The following RGPD6 variants were observed in gnomAD, a reference collection of about 807,000 sequenced individuals.
RGPD6 encodes RANBP2 like and GRIP domain containing 6.
At chr2:110,596,399 CTTTGTACAGACCA>C in the RGPD6 span, among the ~76,000 whole-genome samples, 2 of 104,766 alleles carry the variant, frequency 1.9e-5, no homozygotes, top group African/African-American at 3.9e-5. Flanking sequence ...GATGGTCTGA[CTTTGTACAGACCA>C]TTTGTACACC....
At chr2:110,606,146 T>C in the RGPD6 span, among the ~76,000 whole-genome samples, 1 of 151,428 alleles carries the variant, frequency 6.6e-6, no homozygotes, top group Non-Finnish European at 1.5e-5. Flanking sequence ...GTATCACACA[T>C]AGTAATAAGC....
chr2:110,610,767 T>C, the RGPD6 span: 11 of 1,126,012 alleles, frequency 9.8e-6, no homozygotes, highest in Admixed American at 3.1e-4. Flanking sequence ...AAGCTGTCCA[T>C]GGTGGGAGGT....
At chr2:110,600,670 A>G in the RGPD6 span, among the ~76,000 whole-genome samples, 3 of 37,676 alleles carry the variant, frequency 8.0e-5, no homozygotes, top group Non-Finnish European at 2.0e-4. Context: ...ACAGTTACAG[A>G]TCATCAGGCA....
the RGPD6 span, among the ~76,000 whole-genome samples, chr2:110,605,685 G>A: frequency 6.6e-6 from 1 of 151,426 alleles, no homozygotes; most frequent in East Asian, 1.9e-4. Context: ...TTGAAGACAA[G>A]CAAAAGCATC....
chr2:110,576,901 T>TCCCCCCTC (rs1688403770), intron 1 of RGPD6, 52 bp downstream of exon 1: 1 of 16,342 alleles, frequency 6.1e-5, no homozygotes, highest in African/African-American at 3.5e-4. Flanking sequence ...GCCCCCCCCC[T>TCCCCCCTC]CCCCCCCCGG....
At chr2:110,605,795 CTT>C in the RGPD6 span, among the ~76,000 whole-genome samples, 1 of 151,290 alleles carries the variant, frequency 6.6e-6, no homozygotes, top group East Asian at 1.9e-4. Context: ...AAGATCCACA[CTT>C]TATTCCCTCC....
chr2:110,591,501 C>T, the RGPD6 span, among the ~76,000 whole-genome samples: 1 of 149,350 alleles, frequency 6.7e-6, no homozygotes, highest in Non-Finnish European at 1.5e-5. Context: ...AATATACTCA[C>T]AGCTCTTTTT....
chr2:110,602,286 G>A, the RGPD6 span, among the ~76,000 whole-genome samples: 1 of 137,546 alleles, frequency 7.3e-6, no homozygotes, highest in African/African-American at 2.7e-5. Flanking sequence ...GTCTTCAGTT[G>A]TGATTTCTCG....
the RGPD6 span, among the ~76,000 whole-genome samples, chr2:110,601,402 G>C: frequency 6.7e-6 from 1 of 149,682 alleles, no homozygotes; most frequent in Non-Finnish European, 1.5e-5. Flanking sequence ...CTCTGAGTCT[G>C]ACAGTCTTTT....
At chr2:110,593,149 C>T in the RGPD6 span, among the ~76,000 whole-genome samples, 8 of 148,220 alleles carry the variant, frequency 5.4e-5, no homozygotes, top group Admixed American at 4.7e-4. Flanking sequence ...AAATCTCTTA[C>T]AACAGCCCTT....
At chr2:110,606,849 C>A in the RGPD6 span, among the ~76,000 whole-genome samples, 6 of 151,758 alleles carry the variant, frequency 4.0e-5, no homozygotes, top group African/African-American at 9.7e-5. Flanking sequence ...CCATCCTCCA[C>A]CCAAGTCCCA....
the RGPD6 span, among the ~76,000 whole-genome samples, chr2:110,594,084 T>C: frequency 6.9e-6 from 1 of 144,020 alleles, no homozygotes; most frequent in African/African-American, 2.8e-5. Flanking sequence ...CAAGGTTGGT[T>C]CAACATATAA....
At chr2:110,604,223 G>C in the RGPD6 span, among the ~76,000 whole-genome samples, 1 of 134,548 alleles carries the variant, frequency 7.4e-6, no homozygotes, top group East Asian at 2.1e-4. Context: ...GGGACAGAAC[G>C]CTGCACCGCA....
At chr2:110,598,552 C>G in the RGPD6 span, among the ~76,000 whole-genome samples, 1 of 100,590 alleles carries the variant, frequency 9.9e-6, no homozygotes, top group African/African-American at 3.3e-5. Context: ...ATCACACAAG[C>G]TAGATAGCCT....
chr2:110,603,946 C>T, the RGPD6 span, among the ~76,000 whole-genome samples: 1 of 150,604 alleles, frequency 6.6e-6, no homozygotes, highest in African/African-American at 2.5e-5. Flanking sequence ...GACATAAACA[C>T]TGTGTATTTT....
the RGPD6 span, among the ~76,000 whole-genome samples, chr2:110,599,827 A>G: frequency 6.7e-5 from 7 of 104,266 alleles, no homozygotes; most frequent in Admixed American, 6.8e-4. Context: ...TTCAGACTCC[A>G]AAGAATTTTC....
the RGPD6 span, among the ~76,000 whole-genome samples, chr2:110,607,002 C>A: frequency 6.6e-6 from 1 of 151,664 alleles, no homozygotes; most frequent in African/African-American, 2.4e-5. Context: ...GAAACCAGCA[C>A]AAGGTCTTCT....
At chr2:110,608,505 G>A in the RGPD6 span, among the ~76,000 whole-genome samples, 390 of 140,456 alleles carry the variant, frequency 2.8e-3, 2 homozygotes, top group Non-Finnish European at 3.5e-3. Flanking sequence ...AAAAATTTAC[G>A]TAAACCATAA....
At chr2:110,609,628 T>C in the RGPD6 span, among the ~76,000 whole-genome samples, 1 of 140,354 alleles carries the variant, frequency 7.1e-6, no homozygotes, top group Non-Finnish European at 1.5e-5. Flanking sequence ...TTTACTGAAT[T>C]AAAGCAAAAG....
Sources: allele counts gnomAD v4.1 joint callset (sites outside exome capture counted in the v4.1 genomes callset), GRCh38; gene constraint gnomAD v4.1.1; transcripts MANE v1.5; gene names NCBI Gene and HGNC (gene_info 2026-07-23, HGNC 2026-07-21).